Variants in TAB2 observed in about 807,000 individuals in gnomAD.
TAB2 encodes the protein TGF-beta-activated kinase 1 and MAP3K7-binding protein 2.
A neutral mutation model predicts 65.0 loss-of-function variants in TAB2; 3 were observed. The ratio of observed to expected loss-of-function variants is 0.05; its 90% confidence interval spans 0.02 to 0.12. TAB2 has a LOEUF of 0.12. Ranked by LOEUF, TAB2 falls within the 10% of genes least tolerant of loss-of-function variation. The pLI is 1.00. For missense variants in TAB2, 623 were observed against 840.3 expected (o/e 0.74, Z 3.20); for synonymous variants, 298 against 285.1 (o/e 1.05, Z -0.46).
At chr6:149,372,826 T>G (rs1034097168) in intron 2 of TAB2, among the ~76,000 whole-genome samples, 1 of 152,198 alleles carries the variant, frequency 6.6e-6, no homozygotes, top group African/African-American at 2.4e-5. Flanking sequence ...GAGCAATATT[T>G]TTAAACGGGC....
intron 1 of TAB2, among the ~76,000 whole-genome samples, chr6:149,363,625 T>C (rs1161826317): frequency 6.6e-6 from 1 of 152,164 alleles, no homozygotes; most frequent in Non-Finnish European, 1.5e-5. Flanking sequence ...ATGTTGACCA[T>C]TGTGAAAAAA....
chr6:149,279,447 G>A (rs933100131), intron 1 of TAB2, among the ~76,000 whole-genome samples: 4 of 152,094 alleles, frequency 2.6e-5, no homozygotes, highest in African/African-American at 7.2e-5. Flanking sequence ...AATGCTACCT[G>A]TATGCCAGTG....
Position 149,378,113 on chromosome 6 carries a change from T to C in TAB2, c.198T>C (p.Ser66=). The C allele has an allele frequency of 3.7e-6, 6 of 1,614,200 alleles. No homozygotes were observed. Among genetic ancestry groups the C allele is most frequent in the Non-Finnish European group, 5.1e-6 (6 of 1,180,016 alleles). The change falls in exon 3 of 7, where the codon TCT becomes TCC. Residue 66 remains serine (S), a synonymous_variant. Transcript: ENST00000637181. ...GEGDLNFSDD[S]GISGLRNHMT... is the part of the protein sequence containing the mutation. Reference sequence around the variant, plus strand: ...GAGACTTGAATTTTTCAGATGATTCTGGAATTTCTGGTCTACGCAATCACA... The same window carrying C: ...GAGACTTGAATTTTTCAGATGATTCCGGAATTTCTGGTCTACGCAATCACA...
intron 6 of TAB2, among the ~76,000 whole-genome samples, chr6:149,401,678 A>G (rs1233628194): frequency 6.6e-6 from 1 of 152,170 alleles, no homozygotes; most frequent in Non-Finnish European, 1.5e-5. Context: ...GATTTGAACA[A>G]GCACACACGG....
At chr6:149,318,280 G>T (rs1199652049) in intron 1 of TAB2, among the ~76,000 whole-genome samples, 1 of 151,876 alleles carries the variant, frequency 6.6e-6, no homozygotes, top group African/African-American at 2.4e-5. Flanking sequence ...GTGCGGGGGG[G>T]GAGGGGGAGC....
chr6:149,357,430 A>AACACACAC lies in TAB2; in HGVS notation c.-89-12449_-89-12442dup, dbSNP rs1554261742. Among the ~76,000 whole-genome samples, 99 of 111,070 alleles carry AACACACAC rather than the reference A, an allele frequency of 8.9e-4. 1 individual carries two copies. The highest frequency in any genetic ancestry group is 2.8e-3 in the South Asian group (8 of 2,858). 72.9% of individuals were successfully genotyped at this position (111,070 alleles called of 152,430 possible). On this transcript the variant is annotated intron_variant, in intron 1 of 6. Coordinates refer to ENST00000637181, the MANE Select transcript of TAB2 (RefSeq NM_001292034.3). ...GACTCCGTCTCAAGGAGAAAAAAAA[A>AACACACAC]ACACACACACACACACACACACACA...
chr6:149,341,408 T>A (rs755767063), intron 1 of TAB2, among the ~76,000 whole-genome samples: 17 of 152,178 alleles, frequency 1.1e-4, no homozygotes, highest in Non-Finnish European at 2.1e-4. Flanking sequence ...AAAACTTAAG[T>A]ATACCCACAT....
chr6:149,322,285 G>A (rs1455677730), intron 1 of TAB2, among the ~76,000 whole-genome samples: 2 of 152,020 alleles, frequency 1.3e-5, no homozygotes, highest in Non-Finnish European at 2.9e-5. Flanking sequence ...AAAATAAAAC[G>A]GAAAAGGGAG....
chr6:149,225,332 G>A (rs890290135), intron 1 of TAB2, among the ~76,000 whole-genome samples: 1 of 151,808 alleles, frequency 6.6e-6, no homozygotes, highest in Non-Finnish European at 1.5e-5. Context: ...ATAATTGGAA[G>A]GTACTTGACT....
intron 1 of TAB2, among the ~76,000 whole-genome samples, chr6:149,365,953 G>C (rs1300264688): frequency 1.3e-5 from 2 of 151,788 alleles, no homozygotes; most frequent in Admixed American, 1.3e-4. Context: ...ATTTTTATTT[G>C]CTTTATATAT....
At chr6:149,318,264 G>C (rs570007165) in intron 1 of TAB2, among the ~76,000 whole-genome samples, 24 of 116,220 alleles carry the variant, frequency 2.1e-4, no homozygotes, top group Admixed American at 1.3e-3. Flanking sequence ...GGGCTCCGGG[G>C]CGTCCGTGCG....
intron 1 of TAB2, chr6:149,318,794 T>C (rs1264444041): frequency 1.3e-5 from 2 of 152,194 alleles, no homozygotes; most frequent in Admixed American, 6.5e-5. Context: ...TGAGTTTGTA[T>C]TTATGTGTTT....
Position 149,318,004 on chromosome 6 carries a change from C to T in TAB2, c.-101C>T. 2 of 172,008 alleles carry T rather than the reference C, an allele frequency of 1.2e-5. No homozygotes were observed. Among genetic ancestry groups the T allele is most frequent in the Non-Finnish European group, 2.5e-5 (2 of 80,924 alleles). 10.7% of individuals were successfully genotyped at this position (172,008 alleles called of 1,614,324 possible). ...GCCGAGGAGGAGGAGGGGGAAGCGG[C>T]GGCGGCAAAGGGTAAGCGGACAGCG... On this transcript the variant is annotated 5_prime_UTR_variant, in exon 1 of 7. Coordinates refer to ENST00000637181, the MANE Select transcript of TAB2 (RefSeq NM_001292034.3).
At chr6:149,297,547 A>G (rs1778897355) in intron 1 of TAB2, among the ~76,000 whole-genome samples, 1 of 151,916 alleles carries the variant, frequency 6.6e-6, no homozygotes, top group East Asian at 1.9e-4. Flanking sequence ...TCTTTTTGAG[A>G]TTGGGTTTTG....
chr6:149,256,663 CCA>C (rs1294691534), intron 1 of TAB2, among the ~76,000 whole-genome samples: 1 of 152,138 alleles, frequency 6.6e-6, no homozygotes, highest in Non-Finnish European at 1.5e-5. Context: ...ATAAAATTTT[CCA>C]CACATGGAAA....
At chr6:149,281,372 CAA>C (rs1251251279) in intron 1 of TAB2, among the ~76,000 whole-genome samples, 1 of 151,684 alleles carries the variant, frequency 6.6e-6, no homozygotes, top group Non-Finnish European at 1.5e-5. Flanking sequence ...ACTATAATAA[CAA>C]AGAGTTATAA....
chr6:149,309,236 T>C (rs1175682361), intron 1 of TAB2, among the ~76,000 whole-genome samples: 2 of 152,192 alleles, frequency 1.3e-5, no homozygotes, highest in Non-Finnish European at 2.9e-5. Context: ...CAACTATTTA[T>C]GTGATACTTC....
intron 1 of TAB2, among the ~76,000 whole-genome samples, chr6:149,242,969 T>A (rs1014651638): frequency 6.6e-6 from 1 of 152,158 alleles, no homozygotes; most frequent in African/African-American, 2.4e-5. Context: ...AAACTGAAAT[T>A]CCCAGAAATT....
rs1193315735 is a variant in TAB2 at position 149,308,931 on chromosome 6, A to T, written c.-120-69087A>T. Among the ~76,000 whole-genome samples, 5 of 152,206 alleles carry T rather than the reference A, an allele frequency of 3.3e-5. No homozygotes were observed. In the East Asian group the frequency reaches 9.6e-4, roughly 29 times the overall value. On this transcript the variant is annotated intron_variant, in intron 1 of 1. Coordinates refer to the TAB2 transcript ENST00000606202. ...GAATATTAACTCTTAGTTTCTGTAG[A>T]CTATAAGTTCCATGAGGGCCAGACC...
Sources: gnomAD v4.1 joint callset for allele counts (sites outside exome capture counted in the v4.1 genomes callset) on GRCh38, gnomAD v4.1.1 for gene constraint, MANE v1.5 for transcripts, NCBI Gene and HGNC (gene_info 2026-07-23, HGNC 2026-07-21) for gene names.